ARSB: variants seen among roughly 807,000 people sequenced by gnomAD.
The protein encoded by ARSB is N-acetylgalactosamine-4-sulfatase.
Under a neutral mutation model 50.9 loss-of-function variants are expected in ARSB, and 41 were observed. The observed-to-expected ratio is 0.81, with a 90% CI of 0.63 to 1.04. The LOEUF (loss-of-function observed/expected upper bound fraction) is 1.04, where lower values mean the gene tolerates loss of function less well. Among genes scored for constraint, ARSB ranks in the 50% least tolerant of loss-of-function variants. ARSB has a pLI of 0.00. For missense variants in ARSB, 672 were observed against 693.3 expected, an observed-to-expected ratio of 0.97 and a Z score of 0.35; for synonymous variants, 269 against 284.8, an observed-to-expected ratio of 0.94 and a Z score of 0.56.
At chr5:78,943,179 C>T (rs1452332631) in intron 4 of ARSB, among the ~76,000 whole-genome samples, 1 of 152,144 alleles carries the variant, frequency 6.6e-6, no homozygotes, top group Non-Finnish European at 1.5e-5. Flanking sequence ...TGTGTCTTTG[C>T]ACGTGAGATG....
intron 5 of ARSB, among the ~76,000 whole-genome samples, chr5:78,840,240 G>A (rs1745144324): frequency 6.6e-6 from 1 of 152,172 alleles, no homozygotes; most frequent in African/African-American, 2.4e-5. Flanking sequence ...CATTGAGGGT[G>A]TACTGAGGAC....
At chr5:78,877,453 A>G (rs997562584) in intron 5 of ARSB, among the ~76,000 whole-genome samples, 2 of 152,076 alleles carry the variant, frequency 1.3e-5, no homozygotes, top group Non-Finnish European at 2.9e-5. Flanking sequence ...CAGTGGTGCA[A>G]TCTCGGATCA....
chr5:78,905,439 G>C (rs62379718), intron 4 of ARSB, among the ~76,000 whole-genome samples: 20,069 of 145,364 alleles, frequency 0.14, 1,729 homozygotes, highest in Admixed American at 0.25. Flanking sequence ...AAATCCTCTC[G>C]AGGGTGTTGA....
intron 6 of ARSB, among the ~76,000 whole-genome samples, chr5:78,831,830 C>A (rs980191138): frequency 6.6e-6 from 1 of 152,150 alleles, no homozygotes; most frequent in African/African-American, 2.4e-5. Flanking sequence ...TGCTTAATAT[C>A]TAATTTCAGG....
At chr5:78,806,850 A>G (rs570944954) in intron 6 of ARSB, among the ~76,000 whole-genome samples, 1 of 152,322 alleles carries the variant, frequency 6.6e-6, no homozygotes, top group East Asian at 1.9e-4. Flanking sequence ...GCTAGACAAG[A>G]CGGTTACCTC....
At chr5:78,843,466 G>A (rs146038975) in intron 5 of ARSB, among the ~76,000 whole-genome samples, 1 of 152,244 alleles carries the variant, frequency 6.6e-6, no homozygotes, top group African/African-American at 2.4e-5. Context: ...AAAAAATACT[G>A]ATGCATGGGT....
At chr5:78,809,591 A>G (rs1420571896) in intron 6 of ARSB, among the ~76,000 whole-genome samples, 1 of 152,266 alleles carries the variant, frequency 6.6e-6, no homozygotes, top group African/African-American at 2.4e-5. Context: ...TCTTGCCTTC[A>G]GCTGAAGCTG....
intron 6 of ARSB, among the ~76,000 whole-genome samples, chr5:78,816,678 A>G (rs1285398234): frequency 6.6e-6 from 1 of 152,230 alleles, no homozygotes; most frequent in Non-Finnish European, 1.5e-5. Context: ...GATTCTTGTT[A>G]CAGTTGAGAG....
At position 78,969,045 on chromosome 5, in the gene ARSB, C is replaced by T; in HGVS notation, c.460G>A (p.Glu154Lys). Residue 154 changes from glutamate (E) to lysine (K), a missense_variant, in exon 2 of 8, where the codon GAA becomes AAA. By Grantham distance (56) the Glu-to-Lys change is moderately conservative. Coordinates refer to ENST00000264914, the MANE Select transcript of ARSB (RefSeq NM_000046.5). ...AATCCTCGGCGGGTTGGAAGGCATT[C>T]TTTCCGGTACATTCCCAGGTGCCAT... ...GKWHLGMYRK[E>K]CLPTRRGFDT... 6.2e-7 allele frequency: 1 copy of T among 1,614,172 alleles called. No individual in the cohort carries two copies. The highest frequency in any genetic ancestry group is 8.5e-7 in the Non-Finnish European group (1 of 1,180,022).
At chr5:78,978,776 A>G (rs1752776856) in intron 1 of ARSB, among the ~76,000 whole-genome samples, 1 of 152,210 alleles carries the variant, frequency 6.6e-6, no homozygotes, top group Non-Finnish European at 1.5e-5. Flanking sequence ...ATAGCACTGA[A>G]ATATTTGGAC....
rs568852342 is a variant in ARSB, at chr5:78,817,085, G to A, written c.1213+22271C>T. Reference sequence around the variant, plus strand: ...ATGCAGCAGCCCTCTGGGCCCTTCTGTAGCAGTACCCTCCTTGTCTTCCGG... The same window carrying A: ...ATGCAGCAGCCCTCTGGGCCCTTCTATAGCAGTACCCTCCTTGTCTTCCGG... On this transcript the variant is annotated intron_variant, in intron 6 of 7. Transcript: ENST00000264914. 4.1e-6 allele frequency: 4 copies of A among 985,394 alleles called. No individual in the cohort carries two copies. The South Asian group carries it at 1.4e-4, about 35-fold the overall frequency. The allele number at this position is 985,394 out of a possible 1,614,324, so 61.0% of individuals were successfully genotyped here.
intron 4 of ARSB, among the ~76,000 whole-genome samples, chr5:78,895,751 A>C (rs1350273249): frequency 1.3e-5 from 2 of 152,212 alleles, no homozygotes; most frequent in Non-Finnish European, 2.9e-5. Context: ...CCCTCAACCC[A>C]GGAAGCAGGC....
intron 5 of ARSB, among the ~76,000 whole-genome samples, chr5:78,857,702 C>A (rs1295110365): frequency 6.6e-6 from 1 of 152,160 alleles, no homozygotes; most frequent in Non-Finnish European, 1.5e-5. Flanking sequence ...CATCCCAGCA[C>A]ATATTATTGG....
At chr5:78,908,588 A>T (rs1466086457) in intron 4 of ARSB, among the ~76,000 whole-genome samples, 2 of 152,090 alleles carry the variant, frequency 1.3e-5, no homozygotes, top group African/African-American at 2.4e-5. Flanking sequence ...AACAATGAAA[A>T]CAAGGGATTA....
At chr5:78,801,167 C>T (rs1426134833) in intron 6 of ARSB, among the ~76,000 whole-genome samples, 1 of 152,112 alleles carries the variant, frequency 6.6e-6, no homozygotes, top group Admixed American at 6.5e-5. Context: ...GACACATCTC[C>T]ATGTTCATTA....
rs1748832883 is a variant in ARSB at position 78,778,497 on chromosome 5, A to T, written c.*1900T>A. 6.6e-6 allele frequency: 1 copy of T among 152,228 alleles called. No homozygotes were observed. Among genetic ancestry groups the T allele is most frequent in the Non-Finnish European group, 1.5e-5 (1 of 68,032 alleles). The allele number at this position is 152,228 out of a possible 1,614,324, so 9.4% of individuals were successfully genotyped here. A position where few individuals can be genotyped will look rare whatever the true frequency, so the allele number is the denominator to read the frequency against. Reference sequence around the variant, plus strand: ...TTGCTGACAAGAGAGTACCTTTGGTAGGCACAGTTCCTTTTCTCCCCCCAC... The same window carrying T: ...TTGCTGACAAGAGAGTACCTTTGGTTGGCACAGTTCCTTTTCTCCCCCCAC... On this transcript the variant is annotated 3_prime_UTR_variant, in exon 8 of 8. Transcript: ENST00000264914.
Position 78,955,373 on chromosome 5 carries a change from C to T in ARSB, c.820G>A (p.Asp274Asn). 1 of 1,614,192 alleles carries T rather than the reference C, an allele frequency of 6.2e-7. No individual in the cohort carries two copies. Among genetic ancestry groups the T allele is most frequent in the Non-Finnish European group, 8.5e-7 (1 of 1,180,034 alleles). Residue 274 changes from aspartate (D) to asparagine (N), a missense_variant, in exon 4 of 8, where the codon GAT (aspartate) becomes AAT (asparagine). By Grantham distance (23) the Asp-to-Asn change is conservative. Coordinates refer to ENST00000264914, the MANE Select transcript of ARSB (RefSeq NM_000046.5). ...GCAGTGACATTTCCTACTGCTTCAT[C>T]CATAAGGGACACCATTCCTGCATAG... ...HHYAGMVSLM[D>N]EAVGNVTAAL...
chr5:78,880,414 T>G (rs1484306365), intron 5 of ARSB, among the ~76,000 whole-genome samples: 2 of 152,314 alleles, frequency 1.3e-5, no homozygotes, highest in East Asian at 3.9e-4. Context: ...AAGTGTCCTA[T>G]AAAGCTTTGA....
intron 4 of ARSB, among the ~76,000 whole-genome samples, chr5:78,903,948 A>G (rs947427616): frequency 1.3e-5 from 2 of 152,234 alleles, no homozygotes; most frequent in South Asian, 2.1e-4. Context: ...CAATCAGGAT[A>G]GAACATTCTA....
Sources: allele counts gnomAD v4.1 joint callset (sites outside exome capture counted in the v4.1 genomes callset), GRCh38; gene constraint gnomAD v4.1.1; transcripts MANE v1.5; gene names NCBI Gene and HGNC (gene_info 2026-07-23, HGNC 2026-07-21).